The following PRSS23 variants were observed in gnomAD, a reference collection of about 807,000 sequenced individuals.
PRSS23 encodes the protein protease, serine 23.
In PRSS23, 25 loss-of-function variants were observed where a neutral mutation model predicts 34.7. The observed-to-expected ratio is 0.72, with a 90% CI of 0.53 to 1.01. PRSS23 has a LOEUF of 1.01. Among genes scored for constraint, PRSS23 ranks in the 50% least tolerant of loss-of-function variants. The pLI, the probability that PRSS23 is intolerant of heterozygous loss-of-function variation, is 0.00. For missense variants in PRSS23, 445 were observed against 475.6 expected (o/e 0.94, Z 0.60); for synonymous variants, 176 against 186.6 (o/e 0.94, Z 0.46).
chr11:86,808,055 A>G lies in PRSS23; in HGVS notation c.412A>G (p.Ser138Gly). Residue 138 changes from serine to glycine, a missense_variant, in exon 2 of 2, where the codon AGC becomes GGC. Coordinates refer to ENST00000280258, the MANE Select transcript of PRSS23 (RefSeq NM_007173.6). ...RQIYGYDSRFSIFGKDFLLNY... is the reference protein window; with the variant it reads ...RQIYGYDSRFGIFGKDFLLNY... The stretch of plus-strand genomic sequence containing the variant: ...GATTTATGGCTATGACAGCAGGTTC[A>G]GCATTTTTGGGAAGGACTTCCTGCT... 6.2e-7 allele frequency: 1 copy of G among 1,614,148 alleles called. No homozygotes were observed. The highest frequency in any genetic ancestry group is 8.5e-7 in the Non-Finnish European group (1 of 1,180,032).
At chr11:86,842,583 T>C (rs1176308248) in intron 2 of PRSS23, among the ~76,000 whole-genome samples, 3 of 152,208 alleles carry the variant, frequency 2.0e-5, no homozygotes, top group African/African-American at 7.2e-5. Context: ...CAGCAAAGTC[T>C]CAGGATACAA....
intron 2 of PRSS23, among the ~76,000 whole-genome samples, chr11:86,839,648 C>T (rs529598439): frequency 3.3e-5 from 5 of 151,898 alleles, no homozygotes; most frequent in African/African-American, 1.2e-4. Flanking sequence ...GACACATAAT[C>T]GTCAGATTCA....
chr11:86,877,001 C>T (rs1590907636), intron 2 of PRSS23, among the ~76,000 whole-genome samples: 1 of 152,256 alleles, frequency 6.6e-6, no homozygotes, highest in South Asian at 2.1e-4. Flanking sequence ...ACGGCTGAGC[C>T]CTGGCCAAGC....
chr11:86,895,048 A>G (rs750087955), intron 2 of PRSS23, among the ~76,000 whole-genome samples: 14 of 152,174 alleles, frequency 9.2e-5, no homozygotes, highest in Non-Finnish European at 1.9e-4. Context: ...CTTTGATGAC[A>G]TTACAGTGAG....
At chr11:86,792,622 G>A (rs543651341) in intron 1 of PRSS23, among the ~76,000 whole-genome samples, 4 of 152,276 alleles carry the variant, frequency 2.6e-5, no homozygotes, top group South Asian at 2.1e-4. Flanking sequence ...AAAATAAAAC[G>A]AATAAAATTA....
intron 2 of PRSS23, among the ~76,000 whole-genome samples, chr11:86,839,054 A>G (rs1475024791): frequency 7.4e-6 from 1 of 134,302 alleles, no homozygotes; most frequent in African/African-American, 2.8e-5. Context: ...AAAGCAAAAA[A>G]TTAAAAAAAA....
At chr11:86,849,508 G>T (rs750157186) in intron 2 of PRSS23, among the ~76,000 whole-genome samples, 5 of 152,138 alleles carry the variant, frequency 3.3e-5, no homozygotes, top group Non-Finnish European at 5.9e-5. Flanking sequence ...TTCAAATCAG[G>T]CTAAAAGACC....
Position 86,952,702 on chromosome 11 carries a change from A to G in PRSS23, c.*1417A>G. On this transcript the variant is annotated 3_prime_UTR_variant, in exon 3 of 3. Coordinates refer to the PRSS23 transcript ENST00000533902. ...AGTAATCCTTTCCAGAAGAATGTAC[A>G]TAAATAAATAAATAAAATAAATAGG... is the stretch of plus-strand genomic sequence containing the variant. The G allele has an allele frequency of 9.0e-6, 4 of 443,884 alleles. No individual in the cohort carries two copies. In the South Asian group the frequency reaches 1.2e-4, roughly 13 times the overall value. The allele number at this position is 443,884 out of a possible 1,614,324, so 27.5% of individuals were successfully genotyped here.
rs892425202 is a variant in PRSS23, at chr11:86,854,502, G to C, written c.206+30909G>C. 6.6e-5 allele frequency among the ~76,000 whole-genome samples: 10 copies of C among 152,312 alleles called. 1 individual carries two copies. The South Asian group carries it at 1.0e-3, about 16-fold the overall frequency. On this transcript the variant is annotated intron_variant, in intron 2 of 2. Coordinates refer to the PRSS23 transcript ENST00000533902. ...TCACAGTGTTTTTTGATGCACAAAA[G>C]TGTTTGTCATTTAGATGTAATCCAA...
intron 2 of PRSS23, among the ~76,000 whole-genome samples, chr11:86,943,810 C>T (rs1732736211): frequency 6.6e-6 from 1 of 151,854 alleles, no homozygotes; most frequent in Non-Finnish European, 1.5e-5. Context: ...ATGGCACGAT[C>T]TCGGCTCATT....
intron 2 of PRSS23, among the ~76,000 whole-genome samples, chr11:86,889,286 C>G (rs7107970): frequency 0.19 from 28,605 of 152,178 alleles, 3,334 homozygotes; most frequent in African/African-American, 0.34. Context: ...CTGAAATCCA[C>G]AGATGGGGCA....
chr11:86,877,667 C>T (rs1468923754), intron 2 of PRSS23, among the ~76,000 whole-genome samples: 4 of 152,136 alleles, frequency 2.6e-5, no homozygotes, highest in African/African-American at 4.8e-5. Context: ...GAAACTGCCT[C>T]AGTTCTATTC....
intron 2 of PRSS23, among the ~76,000 whole-genome samples, chr11:86,881,254 G>A (rs1326203615): frequency 2.0e-5 from 2 of 102,354 alleles, no homozygotes; most frequent in Admixed American, 9.8e-5. Context: ...TTTGTTGAGT[G>A]CTTTTTTTTT....
At chr11:86,908,943 TG>T (rs1277027118) in intron 2 of PRSS23, 1 of 151,520 alleles carries the variant, frequency 6.6e-6, no homozygotes, top group African/African-American at 2.4e-5. Flanking sequence ...GATTCCCAAG[TG>T]ATTCGTATGT....
intron 2 of PRSS23, among the ~76,000 whole-genome samples, chr11:86,847,335 C>T (rs995527586): frequency 1.3e-5 from 2 of 152,218 alleles, no homozygotes; most frequent in Non-Finnish European, 2.9e-5. Context: ...CCTTGCCACC[C>T]TGGAACAGGT....
chr11:86,908,360 T>C (rs1395067845), intron 2 of PRSS23, among the ~76,000 whole-genome samples: 1 of 152,232 alleles, frequency 6.6e-6, no homozygotes, highest in Non-Finnish European at 1.5e-5. Flanking sequence ...AATCAAAATA[T>C]GTACATATCT....
chr11:86,828,152 G>T (rs995896941), intron 2 of PRSS23, among the ~76,000 whole-genome samples: 4 of 152,138 alleles, frequency 2.6e-5, no homozygotes, highest in African/African-American at 7.2e-5. Context: ...GGTCACTCAG[G>T]ACTTGCTTTA....
intron 2 of PRSS23, chr11:86,912,196 C>T (rs1170158935): frequency 6.6e-6 from 1 of 152,186 alleles, no homozygotes; most frequent in Non-Finnish European, 1.5e-5. Flanking sequence ...AGATTATAGA[C>T]ATAACCATAG....
At chr11:86,878,956 G>C (rs1948746790) in intron 2 of PRSS23, among the ~76,000 whole-genome samples, 1 of 130,100 alleles carries the variant, frequency 7.7e-6, no homozygotes, top group Non-Finnish European at 1.6e-5. Context: ...CTGCCCGGCC[G>C]CCATCCCGTC....
Sources: gnomAD v4.1 joint callset for allele counts (sites outside exome capture counted in the v4.1 genomes callset) on GRCh38, gnomAD v4.1.1 for gene constraint, MANE v1.5 for transcripts, NCBI Gene and HGNC (gene_info 2026-07-23, HGNC 2026-07-21) for gene names.